The following AP3M1 variants were observed in gnomAD, a reference collection of about 807,000 sequenced individuals.
AP3M1 encodes adaptor related protein complex 3 subunit mu 1, also known as AP-3 complex subunit mu-1.
AP3M1 carries 29 observed loss-of-function variants against 42.6 expected under a neutral mutation model. The observed-to-expected ratio is 0.68, with a 90% CI of 0.51 to 0.93. AP3M1 has a LOEUF of 0.93. Among genes scored for constraint, AP3M1 ranks in the 40% least tolerant of loss-of-function variants. AP3M1 has a pLI of 0.00. For synonymous variants in AP3M1, 178 were observed against 175.3 expected (o/e 1.02, Z -0.12); for missense variants, 416 against 510.2 (o/e 0.82, Z 1.78).
At chr10:74,127,162 G>A (rs2131962775) in intron 6 of AP3M1, among the ~76,000 whole-genome samples, 1 of 152,138 alleles carries the variant, frequency 6.6e-6, no homozygotes, top group Non-Finnish European at 1.5e-5. Context: ...ACCATTTTAT[G>A]TAAGGGACTC....
At chr10:74,135,814 T>C (rs1046106934) in intron 3 of AP3M1, among the ~76,000 whole-genome samples, 9 of 152,200 alleles carry the variant, frequency 5.9e-5, no homozygotes, top group Non-Finnish European at 1.2e-4. Context: ...TTATCTTTCT[T>C]TGAATTTCTC....
Position 74,138,205 on chromosome 10 carries a change from T to C in AP3M1, c.175A>G (p.Ile59Val), listed in dbSNP as rs1392267120. The change falls in exon 2 of 9, where the codon ATC becomes GTC. Residue 59 changes from isoleucine to valine, a missense_variant. Coordinates refer to ENST00000355264, the MANE Select transcript of AP3M1 (RefSeq NM_012095.6). ...ISTPHHYLIS[I>V]YRDKLFFVSV... is the part of the protein sequence containing the mutation. ...ACAAAGAAGAGCTTATCCCGGTAGA[T>C]ACTGATGAGGTAGTGGTGAGGTGTT... 11 of 1,614,050 alleles carry C rather than the reference T, an allele frequency of 6.8e-6. No individual in the cohort carries two copies. The highest frequency in any genetic ancestry group is 1.3e-5 in the African/African-American group (1 of 74,924).
At chr10:74,128,124 A>AAT (rs775824958) in intron 6 of AP3M1, among the ~76,000 whole-genome samples, 4 of 137,626 alleles carry the variant, frequency 2.9e-5, no homozygotes, top group Non-Finnish European at 6.1e-5. Flanking sequence ...AAAAAAAAAA[A>AAT]GGAAAAGAAA....
chr10:74,145,525 G>A (rs564756795), intron 1 of AP3M1, among the ~76,000 whole-genome samples: 1 of 152,314 alleles, frequency 6.6e-6, no homozygotes, highest in African/African-American at 2.4e-5. Context: ...CCATGTTGCA[G>A]TGTAAATTAG....
chr10:74,140,248 A>G (rs1339444180), intron 1 of AP3M1, among the ~76,000 whole-genome samples: 1 of 152,196 alleles, frequency 6.6e-6, no homozygotes, highest in Non-Finnish European at 1.5e-5. Context: ...AGATGGCTGC[A>G]GGCGGCCGTG....
chr10:74,144,427 G>A (rs893894935), intron 1 of AP3M1, among the ~76,000 whole-genome samples: 2 of 151,960 alleles, frequency 1.3e-5, no homozygotes, highest in African/African-American at 2.4e-5. Flanking sequence ...ACCACACACA[G>A]CTGAGTTTCA....
Position 74,120,923 on chromosome 10 carries a change from C to A in AP3M1, c.*2887G>T, listed in dbSNP as rs1840432173. ...AGTTAGCTTTTGGGGACATAGTCCT[C>A]TTCTTCCTTAAAGAAACACTGACTA... On this transcript the variant is annotated 3_prime_UTR_variant, in exon 9 of 9. Transcript: ENST00000355264. The A allele has an allele frequency of 6.6e-6, 1 of 152,212 alleles. No individual in the cohort carries two copies. The highest frequency in any genetic ancestry group is 6.5e-5 in the Admixed American group (1 of 15,278). The allele number at this position is 152,212 out of a possible 1,614,324, so 9.4% of individuals were successfully genotyped here.
At chr10:74,140,595 T>C (rs1841115291) in intron 1 of AP3M1, among the ~76,000 whole-genome samples, 1 of 150,406 alleles carries the variant, frequency 6.6e-6, no homozygotes, top group Non-Finnish European at 1.5e-5. Flanking sequence ...TGAAAAAATA[T>C]ATATATTTGA....
rs569792432 is a variant in AP3M1 at position 74,124,423 on chromosome 10, C to A, written c.1113G>T (p.Pro371=). The A allele has an allele frequency of 6.2e-7, 1 of 1,613,688 alleles. No individual in the cohort carries two copies. The highest frequency in any genetic ancestry group is 2.2e-5 in the East Asian group (1 of 44,874). The change falls in exon 8 of 9, where the codon CCG becomes CCT. Residue 371 remains proline (P), a synonymous_variant. Coordinates refer to ENST00000355264, the MANE Select transcript of AP3M1 (RefSeq NM_012095.6). ...QSGAPKPEEN[P]SLNIQFKIQQ... ...GGATCTTAAACTGTATGTTGAGGCT[C>A]GGATTCTCTTCTGGTTTGGGGGCTC...
chr10:74,145,273 G>GA (rs1371907701), intron 1 of AP3M1, among the ~76,000 whole-genome samples: 1 of 152,108 alleles, frequency 6.6e-6, no homozygotes, highest in Non-Finnish European at 1.5e-5. Context: ...TTCTTTCCAG[G>GA]AAAGTTTCCA....
At chr10:74,124,333 C>A in intron 8 of AP3M1, 47 bp downstream of exon 8, 1 of 1,561,150 alleles carries the variant, frequency 6.4e-7, no homozygotes. Context: ...AATAAATGAG[C>A]TTGCAAAACT....
intron 6 of AP3M1, among the ~76,000 whole-genome samples, chr10:74,127,838 C>T (rs555278956): frequency 1.4e-4 from 22 of 151,896 alleles, no homozygotes; most frequent in South Asian, 2.1e-4. Context: ...CGGTGGCTCA[C>T]GCCTGTAATC....
rs1446355652 is a variant in AP3M1, at chr10:74,136,711, T to C, written c.366A>G (p.Pro122=). 2.5e-6 allele frequency: 4 copies of C among 1,595,520 alleles called. No individual in the cohort carries two copies. Among genetic ancestry groups the C allele is most frequent in the South Asian group, 1.1e-5 (1 of 89,494 alleles). ...LLEEMLDNGF[P]LATESNILKE... ...TCAAAATGTTAGATTCGGTAGCCAG[T>C]GGAAATCCATTGTCTAACATTTCTT... The change falls in exon 3 of 9, where the codon CCA becomes CCG. Residue 122 remains proline, a synonymous_variant. Coordinates refer to ENST00000355264, the MANE Select transcript of AP3M1 (RefSeq NM_012095.6).
At chr10:74,147,081 G>A (rs1183747712) in intron 1 of AP3M1, among the ~76,000 whole-genome samples, 1 of 152,086 alleles carries the variant, frequency 6.6e-6, no homozygotes, top group Non-Finnish European at 1.5e-5. Context: ...TCGGGAGTTC[G>A]AGACCAGCCT....
chr10:74,126,027 T>C (rs1840603519), intron 7 of AP3M1, 121 bp downstream of exon 7: 2 of 995,828 alleles, frequency 2.0e-6, no homozygotes, highest in East Asian at 2.4e-5. Flanking sequence ...GTATGCTCTC[T>C]AGGTTTTGAT....
chr10:74,138,599 A>G (rs1274882300), intron 1 of AP3M1, among the ~76,000 whole-genome samples: 120 of 31,106 alleles, frequency 3.9e-3, no homozygotes, highest in African/African-American at 0.012. Flanking sequence ...CCTTTTACGA[A>G]AAAAAAAAAA....
At chr10:74,136,019 G>A (rs1486814774) in intron 3 of AP3M1, among the ~76,000 whole-genome samples, 8 of 152,164 alleles carry the variant, frequency 5.3e-5, no homozygotes. Flanking sequence ...AAGAATATTG[G>A]TATCTGGATG....
intron 5 of AP3M1, among the ~76,000 whole-genome samples, 167 bp from the exon 6 acceptor site, chr10:74,129,408 TTTATGTACA>T (rs1840709318): frequency 6.6e-6 from 1 of 152,202 alleles, no homozygotes; most frequent in African/African-American, 2.4e-5. Context: ...TTGTAAATAT[TTTATGTACA>T]TTATTTTATT....
At chr10:74,146,556 G>C (rs942037168) in intron 1 of AP3M1, among the ~76,000 whole-genome samples, 2 of 152,052 alleles carry the variant, frequency 1.3e-5, no homozygotes, top group Non-Finnish European at 2.9e-5. Flanking sequence ...CTTGGAGGAG[G>C]GGGTGTGTGG....
Sources: allele counts gnomAD v4.1 joint callset (sites outside exome capture counted in the v4.1 genomes callset), GRCh38; gene constraint gnomAD v4.1.1; transcripts MANE v1.5; gene names NCBI Gene and HGNC (gene_info 2026-07-23, HGNC 2026-07-21).